B3GALT6: variants seen among roughly 807,000 people sequenced by gnomAD.
B3GALT6 encodes the protein GAG GalTII.
Under a neutral mutation model 23.3 loss-of-function variants are expected in B3GALT6, and 27 were observed. The ratio of observed to expected loss-of-function variants is 1.16; its 90% CI spans 0.85 to 1.60. The LOEUF (loss-of-function observed/expected upper bound fraction) is 1.60. Ranked by LOEUF, B3GALT6 falls within the 40% of genes most tolerant of loss-of-function variation. The pLI is 0.00. For synonymous variants in B3GALT6, 313 were observed against 232.3 expected (o/e 1.35, Z -3.16); for missense variants, 554 against 471.1 (o/e 1.18, Z -1.63).
chr1:1,232,524 G>C lies in B3GALT6; in HGVS notation c.246G>C (p.Ala82=). ...GCGTGATCCGCAGCACGTGGCTTGC[G>C]CGGCGCGGGGCCCCGGGCGACGTGT... ...RRSVIRSTWL[A]RRGAPGDVWA... The change falls in exon 1 of 1, where the codon GCG becomes GCC. Residue 82 remains alanine, a synonymous_variant. Coordinates refer to ENST00000379198, the MANE Select transcript of B3GALT6 (RefSeq NM_080605.4). The C allele has an allele frequency of 8.8e-7, 1 of 1,131,980 alleles. No homozygotes were observed. 70.1% of individuals were successfully genotyped at this position (1,131,980 alleles called of 1,614,324 possible). A position where few individuals can be genotyped will look rare whatever the true frequency, so the allele number is the denominator to read the frequency against.
In B3GALT6 at chr1:1,232,304, G is replaced by T. The variant is rs1478555453; in HGVS notation, c.26G>T (p.Arg9Leu). 4.0e-5 allele frequency: 39 copies of T among 982,428 alleles called. No homozygotes were observed. Among genetic ancestry groups the T allele is most frequent in the Non-Finnish European group, 4.7e-5 (39 of 829,476 alleles). 60.9% of individuals were successfully genotyped at this position (982,428 alleles called of 1,614,324 possible). The change falls in exon 1 of 1, where the codon CGG (arginine) becomes CTG (leucine). Residue 9 changes from arginine to leucine, a missense_variant. By Grantham distance (102) the Arg-to-Leu change is moderately radical. Transcript: ENST00000379198. ...ATGAAGCTGCTGCGGCGGGCGTGGC[G>T]GCGGCGGGCGGCGCTAGGCCTGGGC... The part of the protein sequence containing the change: MKLLRRAW[R>L]RRAALGLGTL...
In B3GALT6 at chr1:1,233,183, G is replaced by A; in HGVS notation, c.905G>A (p.Arg302His). ...GCGCGCGAGGGCCGCCTGTGCAAGC[G>A]CGAGGTGCAGCTGCGCCTGTCCTAC... Reference protein sequence around the residue: ...TLAREGRLCKREVQLRLSYVY... With the variant: ...TLAREGRLCKHEVQLRLSYVY... The change falls in exon 1 of 1, where the codon CGC becomes CAC. Residue 302 changes from arginine to histidine, a missense_variant. Arg to His is a conservative substitution (Grantham distance 29). Coordinates refer to ENST00000379198, the MANE Select transcript of B3GALT6 (RefSeq NM_080605.4). 1 of 1,543,304 alleles carries A rather than the reference G, an allele frequency of 6.5e-7. No homozygotes were observed.
rs967697703 is a variant in B3GALT6, at chr1:1,233,975, C to T, written c.*707C>T. On this transcript the variant is annotated 3_prime_UTR_variant, in exon 1 of 1. Coordinates refer to ENST00000379198, the MANE Select transcript of B3GALT6 (RefSeq NM_080605.4). ...GGCCGGTGCTGCTTTATTTCAGACT[C>T]TGCCCCAGGTTCCAGGAATCCGAAC... is the stretch of plus-strand genomic sequence containing the variant. 2 of 166,860 alleles carry T rather than the reference C, an allele frequency of 1.2e-5. No individual in the cohort carries two copies. Among genetic ancestry groups the T allele is most frequent in the African/African-American group, 2.4e-5 (1 of 41,446 alleles). 10.3% of individuals were successfully genotyped at this position (166,860 alleles called of 1,614,324 possible). A position where few individuals can be genotyped will look rare whatever the true frequency, so the allele number is the denominator to read the frequency against.
At position 1,233,042 on chromosome 1, in the gene B3GALT6, A is replaced by C. The variant is rs1469438308; in HGVS notation, c.764A>C (p.Gln255Pro). 1 of 1,550,826 alleles carries C rather than the reference A, an allele frequency of 6.4e-7. No individual in the cohort carries two copies. The highest frequency in any genetic ancestry group is 8.7e-7 in the Non-Finnish European group (1 of 1,153,382). Residue 255 changes from glutamine to proline, a missense_variant, in exon 1 of 1, where the codon CAG (glutamine) becomes CCG (proline). Coordinates refer to ENST00000379198, the MANE Select transcript of B3GALT6 (RefSeq NM_080605.4). ...LGAWLAPVDV[Q>P]REHDPRFDTE... ...GCCTGGCTGGCGCCGGTGGACGTCC[A>C]GCGGGAGCACGACCCGCGCTTCGAC...
rs1038982169 is a variant in B3GALT6 at position 1,232,249 on chromosome 1, G to C, written c.-30G>C. 1.6e-4 allele frequency: 159 copies of C among 980,720 alleles called. No individual in the cohort carries two copies. The African/African-American group carries it at 2.7e-3, about 17-fold the overall frequency. 60.8% of individuals were successfully genotyped at this position (980,720 alleles called of 1,614,324 possible). On this transcript the variant is annotated 5_prime_UTR_variant, in exon 1 of 1. Transcript: ENST00000379198. Reference sequence around the variant, plus strand: ...GCGGCGCCTGCGCACTCGCGAGTCCGGCCTGGGCCGCCGGCCCGGCGCGGG... The same window carrying C: ...GCGGCGCCTGCGCACTCGCGAGTCCCGCCTGGGCCGCCGGCCCGGCGCGGG...
rs781693658 is a variant in B3GALT6, at chr1:1,233,001, G to A, written c.723G>A (p.Glu241=). 1 of 1,561,274 alleles carries A rather than the reference G, an allele frequency of 6.4e-7. No homozygotes were observed. Among genetic ancestry groups the A allele is most frequent in the Admixed American group, 1.8e-5 (1 of 54,790 alleles). Residue 241 remains glutamate (E), a synonymous_variant, in exon 1 of 1, where the codon GAG becomes GAA. Coordinates refer to ENST00000379198, the MANE Select transcript of B3GALT6 (RefSeq NM_080605.4). ...SRDYLRAWHS[E]DVSLGAWLAP... ...ACTACCTGCGCGCCTGGCACAGCGA[G>A]GACGTGTCTCTGGGCGCCTGGCTGG... is the stretch of plus-strand genomic sequence containing the variant.
In B3GALT6 at chr1:1,232,903, T is replaced by A; in HGVS notation, c.625T>A (p.Tyr209Asn). The change falls in exon 1 of 1, where the codon TAC becomes AAC. Residue 209 changes from tyrosine (Y) to asparagine (N), a missense_variant. Tyr to Asn is a moderately radical substitution (Grantham distance 143). Transcript: ENST00000379198. ...REAAWQLCDY[Y>N]LPYALGGGYV... ...GGCCGCCTGGCAACTCTGCGACTAC[T>A]ACCTGCCCTACGCGCTGGGCGGCGG... 1 of 1,567,158 alleles carries A rather than the reference T, an allele frequency of 6.4e-7. No individual in the cohort carries two copies. Among genetic ancestry groups the A allele is most frequent in the Non-Finnish European group, 8.6e-7 (1 of 1,167,174 alleles).
rs1367121886 is a variant in B3GALT6 at position 1,233,306 on chromosome 1, C to T, written c.*38C>T. ...CGGCCCTCCGGGACACCTGCTTCACCCGGCGGCGCCTTGGGGCAGGTGCCG... is the reference window on the plus strand; with the variant it reads ...CGGCCCTCCGGGACACCTGCTTCACTCGGCGGCGCCTTGGGGCAGGTGCCG... On this transcript the variant is annotated 3_prime_UTR_variant, in exon 1 of 1. Transcript: ENST00000379198. 2.9e-6 allele frequency: 4 copies of T among 1,402,872 alleles called. No homozygotes were observed. Among genetic ancestry groups the T allele is most frequent in the African/African-American group, 3.0e-5 (2 of 65,732 alleles). 86.9% of individuals were successfully genotyped at this position (1,402,872 alleles called of 1,614,324 possible). A position where few individuals can be genotyped will look rare whatever the true frequency, so the allele number is the denominator to read the frequency against.
At position 1,233,000 on chromosome 1, in the gene B3GALT6, A is replaced by C; in HGVS notation, c.722A>C (p.Glu241Ala). ...GACTACCTGCGCGCCTGGCACAGCG[A>C]GGACGTGTCTCTGGGCGCCTGGCTG... The part of the protein sequence containing the change: ...SRDYLRAWHS[E>A]DVSLGAWLAP... The change falls in exon 1 of 1, where the codon GAG becomes GCG. Residue 241 changes from glutamate (E) to alanine (A), a missense_variant. Physicochemically the swap from Glu to Ala is moderately radical, Grantham distance 107. Coordinates refer to ENST00000379198, the MANE Select transcript of B3GALT6 (RefSeq NM_080605.4). The C allele has an allele frequency of 6.4e-7, 1 of 1,561,572 alleles. No homozygotes were observed. Among genetic ancestry groups the C allele is most frequent in the South Asian group, 1.2e-5 (1 of 86,448 alleles).
rs900539403 is a variant in B3GALT6 at position 1,232,313 on chromosome 1, C to G, written c.35C>G (p.Ala12Gly). Reference protein sequence around the residue: ...KLLRRAWRRRAALGLGTLALC... With the variant: ...KLLRRAWRRRGALGLGTLALC... ...CTGCGGCGGGCGTGGCGGCGGCGGG[C>G]GGCGCTAGGCCTGGGCACGCTGGCG... is the stretch of plus-strand genomic sequence containing the variant. The change falls in exon 1 of 1, where the codon GCG (alanine) becomes GGG (glycine). Residue 12 changes from alanine to glycine, a missense_variant. Transcript: ENST00000379198. 75 of 982,858 alleles carry G rather than the reference C, an allele frequency of 7.6e-5. 1 individual carries two copies. Among genetic ancestry groups the G allele is most frequent in the Non-Finnish European group, 1.9e-5 (16 of 829,712 alleles). 60.9% of individuals were successfully genotyped at this position (982,858 alleles called of 1,614,324 possible).
chr1:1,234,263 CGGGTCCAGTCTG>C lies in B3GALT6; in HGVS notation c.*1001_*1012del, dbSNP rs909837843. 28 of 166,950 alleles carry C rather than the reference CGGGTCCAGTCTG, an allele frequency of 1.7e-4. No individual in the cohort carries two copies. Among genetic ancestry groups the C allele is most frequent in the African/African-American group, 6.3e-4 (26 of 41,548 alleles). 10.3% of individuals were successfully genotyped at this position (166,950 alleles called of 1,614,324 possible). A position where few individuals can be genotyped will look rare whatever the true frequency, so the allele number is the denominator to read the frequency against. On this transcript the variant is annotated 3_prime_UTR_variant, in exon 1 of 1. Transcript: ENST00000379198. ...GGTCTTTGTTGTCCCACTTTGGGAC[CGGGTCCAGTCTG>C]GGGTCTAGTCTCGAGCATCAGGGTC...
rs1199531500 is a variant in B3GALT6 at position 1,232,591 on chromosome 1, G to C, written c.313G>C (p.Glu105Gln). ...AVGTAGLGAE[E>Q]RRALEREQAR... ...GGGCACGGCCGGCCTGGGCGCCGAGGAGCGGCGCGCCCTGGAGCGGGAGCA... is the reference window on the plus strand; with the variant it reads ...GGGCACGGCCGGCCTGGGCGCCGAGCAGCGGCGCGCCCTGGAGCGGGAGCA... The change falls in exon 1 of 1, where the codon GAG (glutamate) becomes CAG (glutamine). Residue 105 changes from glutamate to glutamine, a missense_variant. Transcript: ENST00000379198. 11 of 1,199,574 alleles carry C rather than the reference G, an allele frequency of 9.2e-6. No individual in the cohort carries two copies. Among genetic ancestry groups the C allele is most frequent in the Non-Finnish European group, 1.1e-5 (11 of 967,174 alleles). 74.3% of individuals were successfully genotyped at this position (1,199,574 alleles called of 1,614,324 possible).
rs183140826 is a variant in B3GALT6, at chr1:1,233,963, T to C, written c.*695T>C. The C allele has an allele frequency of 1.2e-5, 2 of 166,818 alleles. No homozygotes were observed. The highest frequency in any genetic ancestry group is 4.8e-5 in the African/African-American group (2 of 41,424). 10.3% of individuals were successfully genotyped at this position (166,818 alleles called of 1,614,324 possible). Reference sequence around the variant, plus strand: ...CGCGCCACACAGGGCCGGTGCTGCTTTATTTCAGACTCTGCCCCAGGTTCC... The same window carrying C: ...CGCGCCACACAGGGCCGGTGCTGCTCTATTTCAGACTCTGCCCCAGGTTCC... On this transcript the variant is annotated 3_prime_UTR_variant, in exon 1 of 1. Coordinates refer to ENST00000379198, the MANE Select transcript of B3GALT6 (RefSeq NM_080605.4).
chr1:1,234,679 A>G lies in B3GALT6; in HGVS notation c.*1411A>G, dbSNP rs1383874985. On this transcript the variant is annotated 3_prime_UTR_variant, in exon 1 of 1. Transcript: ENST00000379198. ...CCGTGGGAGTTGTGGACTCGAGCCC[A>G]GGGGCTGCCCGTCACAGCGGTGTCC... is the stretch of plus-strand genomic sequence containing the variant. The G allele has an allele frequency of 6.0e-6, 1 of 166,868 alleles. No individual in the cohort carries two copies. The highest frequency in any genetic ancestry group is 2.4e-5 in the African/African-American group (1 of 41,452). The allele number at this position is 166,868 out of a possible 1,614,324, so 10.3% of individuals were successfully genotyped here. A position where few individuals can be genotyped will look rare whatever the true frequency, so the allele number is the denominator to read the frequency against.
At position 1,233,408 on chromosome 1, in the gene B3GALT6, T is replaced by G. The variant is rs1638582690; in HGVS notation, c.*140T>G. ...GTGGTCGCTGCGTCCCGGTCTGCGT[T>G]TGGGAGACCCCTGGGGGTTGCCGGG... On this transcript the variant is annotated 3_prime_UTR_variant, in exon 1 of 1. Coordinates refer to ENST00000379198, the MANE Select transcript of B3GALT6 (RefSeq NM_080605.4). 8.6e-7 allele frequency: 1 copy of G among 1,159,006 alleles called. No homozygotes were observed. The highest frequency in any genetic ancestry group is 1.1e-6 in the Non-Finnish European group (1 of 879,638). The allele number at this position is 1,159,006 out of a possible 1,614,324, so 71.8% of individuals were successfully genotyped here.
chr1:1,233,245 C>A lies in B3GALT6; in HGVS notation c.967C>A (p.Gln323Lys). The change falls in exon 1 of 1, where the codon CAG becomes AAG. Residue 323 changes from glutamine (Q) to lysine (K), a missense_variant. Gln to Lys is a moderately conservative substitution (Grantham distance 53). Coordinates refer to ENST00000379198, the MANE Select transcript of B3GALT6 (RefSeq NM_080605.4). ...DWSAPPSQCC[Q>K]RREGIP ...GTCCGCGCCGCCCTCGCAGTGCTGC[C>A]AGAGAAGGGAGGGCATCCCCTGAGC... 6.7e-7 allele frequency: 1 copy of A among 1,481,956 alleles called. No individual in the cohort carries two copies. Among genetic ancestry groups the A allele is most frequent in the Non-Finnish European group, 9.0e-7 (1 of 1,116,646 alleles). The allele number at this position is 1,481,956 out of a possible 1,614,324, so 91.8% of individuals were successfully genotyped here. A position where few individuals can be genotyped will look rare whatever the true frequency, so the allele number is the denominator to read the frequency against.
chr1:1,232,937 T>C lies in B3GALT6; in HGVS notation c.659T>C (p.Leu220Pro), dbSNP rs1334519519. 4 of 1,564,616 alleles carry C rather than the reference T, an allele frequency of 2.6e-6. No individual in the cohort carries two copies. The highest frequency in any genetic ancestry group is 2.3e-5 in the South Asian group (2 of 86,656). Residue 220 changes from leucine to proline, a missense_variant, in exon 1 of 1, where the codon CTC (leucine) becomes CCC (proline). By Grantham distance (98) the Leu-to-Pro change is moderately conservative. Transcript: ENST00000379198. ...TACGCGCTGGGCGGCGGCTACGTGC[T>C]CTCGGCCGACCTGGTGCACTACCTG... is the stretch of plus-strand genomic sequence containing the variant. ...LPYALGGGYV[L>P]SADLVHYLRL...
At position 1,233,158 on chromosome 1, in the gene B3GALT6, G is replaced by A; in HGVS notation, c.880G>A (p.Ala294Thr). ...CATGCTGGAGAAGCACGCGACGCTG[G>A]CGCGCGAGGGCCGCCTGTGCAAGCG... ...EDMLEKHATL[A>T]REGRLCKREV... Residue 294 changes from alanine to threonine, a missense_variant, in exon 1 of 1, where the codon GCG becomes ACG. Physicochemically the swap from Ala to Thr is moderately conservative, Grantham distance 58. Transcript: ENST00000379198. The A allele has an allele frequency of 1.3e-6, 2 of 1,548,776 alleles. No homozygotes were observed. The highest frequency in any genetic ancestry group is 1.7e-6 in the Non-Finnish European group (2 of 1,151,498).
Position 1,232,599 on chromosome 1 carries a change from C to T in B3GALT6, c.321C>T (p.Arg107=), listed in dbSNP as rs893011562. Residue 107 remains arginine (R), a synonymous_variant, in exon 1 of 1, where the codon CGC becomes CGT. Transcript: ENST00000379198. ...GTAGLGAEER[R]ALEREQARHG... is the part of the protein sequence containing the mutation. ...CCGGCCTGGGCGCCGAGGAGCGGCG[C>T]GCCCTGGAGCGGGAGCAGGCGCGGC... 8.3e-7 allele frequency: 1 copy of T among 1,209,044 alleles called. No individual in the cohort carries two copies. Among genetic ancestry groups the T allele is most frequent in the Non-Finnish European group, 1.0e-6 (1 of 972,852 alleles). The allele number at this position is 1,209,044 out of a possible 1,614,324, so 74.9% of individuals were successfully genotyped here. A position where few individuals can be genotyped will look rare whatever the true frequency, so the allele number is the denominator to read the frequency against.
Sources: allele counts gnomAD v4.1 joint callset, GRCh38; gene constraint gnomAD v4.1.1; transcripts MANE v1.5; gene names NCBI Gene and HGNC (gene_info 2026-07-23, HGNC 2026-07-21).